Variants in PARP4 observed in about 807,000 individuals in gnomAD.
The protein encoded by PARP4 is protein mono-ADP-ribosyltransferase PARP4.
In PARP4, 120 loss-of-function variants were observed where a neutral mutation model predicts 187.7. The observed-to-expected ratio is 0.64, with a 90% CI of 0.55 to 0.74. The LOEUF is 0.74. PARP4 is among the 30% of genes least tolerant of loss of function. The pLI, the probability that PARP4 is intolerant of heterozygous loss-of-function variation, is 0.00. For missense variants in PARP4, 1,836 were observed against 2,070.5 expected, an observed-to-expected ratio of 0.89 and a Z score of 2.20; for synonymous variants, 654 against 740.9, an observed-to-expected ratio of 0.88 and a Z score of 1.90.
chr13:24,478,825 T>TC (rs900312624), intron 12 of PARP4, among the ~76,000 whole-genome samples: 2 of 152,240 alleles, frequency 1.3e-5, no homozygotes, highest in African/African-American at 4.8e-5. Context: ...AGAAATGAAT[T>TC]CTACTGTTCT....
chr13:24,464,154 GAAC>G (rs1277359064), intron 17 of PARP4, among the ~76,000 whole-genome samples: 3 of 151,996 alleles, frequency 2.0e-5, no homozygotes, highest in African/African-American at 7.2e-5. Flanking sequence ...GAGAGGACAC[GAAC>G]AAATGGAAAA....
Position 24,486,273 on chromosome 13 carries a change from C to T in PARP4, c.1247G>A (p.Arg416Lys). 4 of 1,607,252 alleles carry T rather than the reference C, an allele frequency of 2.5e-6. No homozygotes were observed. Among genetic ancestry groups the T allele is most frequent in the Non-Finnish European group, 3.4e-6 (4 of 1,173,866 alleles). ...KSPVDVLQIFRVGRVNETTEF... is the reference protein window; with the variant it reads ...KSPVDVLQIFKVGRVNETTEF... ...TGTGGTTTCATTCACTCTGCCAACT[C>T]TAAATATCTGCAAGACATCCACTGG... The change falls in exon 11 of 34, where the codon AGA (arginine) becomes AAA (lysine). Residue 416 changes from arginine (R) to lysine (K), a missense_variant. Physicochemically the swap from Arg to Lys is conservative, Grantham distance 26. Around this residue, in one of 8 missense-constraint regions of PARP4, gnomAD observed 1,147 missense variants for 1,214.2 expected, o/e 0.94. Transcript: ENST00000381989.
chr13:24,509,125 A>G (rs985992089), intron 1 of PARP4, among the ~76,000 whole-genome samples: 1 of 152,222 alleles, frequency 6.6e-6, no homozygotes, highest in African/African-American at 2.4e-5. Context: ...GTTAATCACT[A>G]AGAAGAAAAA....
chr13:24,443,966 A>T (rs1871082583), intron 27 of PARP4, among the ~76,000 whole-genome samples: 2 of 152,202 alleles, frequency 1.3e-5, no homozygotes, highest in South Asian at 4.1e-4. Context: ...TAGCTTCCTC[A>T]AGCCCTGGCA....
chr13:24,455,123 G>A lies in PARP4; in HGVS notation c.2652C>T (p.Ser884=), dbSNP rs1246560556. ...AGAATGTCACACCCTCCATGGAACT[G>A]GAGCAGTCAAGACAAATAATCACTT... ...ESEVIICLDC[S]SSMEGVTFLQ... The change falls in exon 22 of 34, where the codon TCC becomes TCT. Residue 884 remains serine (S), a synonymous_variant. Transcript: ENST00000381989. The A allele has an allele frequency of 6.2e-7, 1 of 1,613,326 alleles. No homozygotes were observed. Among genetic ancestry groups the A allele is most frequent in the African/African-American group, 1.3e-5 (1 of 75,040 alleles).
intron 10 of PARP4, 116 bp from the exon 11 acceptor site, chr13:24,486,421 A>C: frequency 2.8e-6 from 2 of 703,488 alleles, no homozygotes; most frequent in Non-Finnish European, 2.4e-6. Flanking sequence ...AAACTGATTC[A>C]ATGAGTCACA....
intron 30 of PARP4, among the ~76,000 whole-genome samples, chr13:24,438,889 G>T (rs2137448158): frequency 6.6e-6 from 1 of 152,350 alleles, no homozygotes; most frequent in Admixed American, 6.5e-5. Context: ...ACTCCGTGTA[G>T]AATGCGGCAG....
At chr13:24,443,149 C>T (rs1445481797) in intron 28 of PARP4, among the ~76,000 whole-genome samples, 1 of 144,912 alleles carries the variant, frequency 6.9e-6, no homozygotes, top group East Asian at 2.0e-4. Context: ...GACTAACGTT[C>T]ACAGCCTTGT....
Position 24,434,273 on chromosome 13 carries a change from T to C in PARP4, c.4746+122A>G, listed in dbSNP as rs370506471. 1,078 of 878,222 alleles carry C rather than the reference T, an allele frequency of 1.2e-3. 14 individuals carry two copies. The African/African-American group carries it at 0.014, about 11-fold the overall frequency. The allele number at this position is 878,222 out of a possible 1,614,324, so 54.4% of individuals were successfully genotyped here. A position where few individuals can be genotyped will look rare whatever the true frequency, so the allele number is the denominator to read the frequency against. On this transcript the variant is annotated intron_variant, in intron 31 of 33. Transcript: ENST00000381989. Reference sequence around the variant, plus strand: ...GAAGCAGTATGATTTATACCCAGTGTACAACCCCTTCCTTCACTACAGACT... The same window carrying C: ...GAAGCAGTATGATTTATACCCAGTGCACAACCCCTTCCTTCACTACAGACT...
rs139577420 is a variant in PARP4, at chr13:24,478,151, G to A, written c.1574C>T (p.Pro525Leu). Residue 525 changes from proline to leucine, a missense_variant, in exon 13 of 34, where the codon CCA becomes CTA. Physicochemically the swap from Pro to Leu is moderately conservative, Grantham distance 98 (BLOSUM62 -3). Around this residue, in one of 8 missense-constraint regions of PARP4, gnomAD observed 1,147 missense variants for 1,214.2 expected, o/e 0.94. Transcript: ENST00000381989. ...EKDFSLTEAPPGYDSVHGVSQ... is the reference protein window; with the variant it reads ...EKDFSLTEAPLGYDSVHGVSQ... Reference sequence around the variant, plus strand: ...AACTCCATGCACACTGTCGTAGCCTGGTGGTGCTTCAGTTAAGGAAAAGTC... The same window carrying A: ...AACTCCATGCACACTGTCGTAGCCTAGTGGTGCTTCAGTTAAGGAAAAGTC... 1.4e-4 allele frequency: 232 copies of A among 1,613,528 alleles called. No individual in the cohort carries two copies. The highest frequency in any genetic ancestry group is 1.9e-4 in the Non-Finnish European group (219 of 1,179,682).
chr13:24,475,456 G>C lies in PARP4; in HGVS notation c.1914+16C>G. 2.5e-6 allele frequency: 4 copies of C among 1,609,400 alleles called. No homozygotes were observed. The highest frequency in any genetic ancestry group is 3.4e-6 in the Non-Finnish European group (4 of 1,176,110). ...ATCCATGTAGTTTAAGTGTCATAAA[G>C]CCACAGACAACATACCTGGGCTACA... On this transcript the variant is annotated intron_variant, in intron 15 of 33. Transcript: ENST00000381989.
chr13:24,478,185 G>T lies in PARP4; in HGVS notation c.1540C>A (p.His514Asn), dbSNP rs750366730. 1 of 1,613,878 alleles carries T rather than the reference G, an allele frequency of 6.2e-7. No homozygotes were observed. Among genetic ancestry groups the T allele is most frequent in the Admixed American group, 1.7e-5 (1 of 60,000 alleles). ...DVALGKCMDLHEKDFSLTEAP... is the reference protein window; with the variant it reads ...DVALGKCMDLNEKDFSLTEAP... ...TCAGTTAAGGAAAAGTCCTTCTCATGTAAGTCCATACACTTTCCGAGGGCT... is the reference window on the plus strand; with the variant it reads ...TCAGTTAAGGAAAAGTCCTTCTCATTTAAGTCCATACACTTTCCGAGGGCT... The change falls in exon 13 of 34, where the codon CAT becomes AAT. Residue 514 changes from histidine (H) to asparagine (N), a missense_variant. Around this residue, in one of 8 missense-constraint regions of PARP4, gnomAD observed 1,147 missense variants for 1,214.2 expected, o/e 0.94. Transcript: ENST00000381989.
chr13:24,476,891 C>A (rs1873013398), intron 14 of PARP4, among the ~76,000 whole-genome samples: 1 of 152,196 alleles, frequency 6.6e-6, no homozygotes, highest in Non-Finnish European at 1.5e-5. Flanking sequence ...TACAGCAATT[C>A]TGTCATGCGG....
chr13:24,432,312 G>C (rs1383299397), intron 31 of PARP4, among the ~76,000 whole-genome samples: 1 of 151,964 alleles, frequency 6.6e-6, no homozygotes, highest in South Asian at 2.1e-4. Flanking sequence ...GCATTGAACC[G>C]GTATTTCTCA....
At chr13:24,489,480 C>T (rs1268689531) in intron 10 of PARP4, among the ~76,000 whole-genome samples, 3 of 152,024 alleles carry the variant, frequency 2.0e-5, no homozygotes, top group Admixed American at 6.5e-5. Context: ...TGGTGGCGTG[C>T]GTCTATAGTC....
At chr13:24,460,276 C>G in intron 17 of PARP4, 140 bp from the exon 18 acceptor site, 1 of 712,748 alleles carries the variant, frequency 1.4e-6, no homozygotes. Context: ...ACCTAAAAGA[C>G]ACATTGGTGG....
At chr13:24,486,141 T>C (rs2137523197) in intron 11 of PARP4, 27 bp downstream of exon 11, 1 of 1,577,358 alleles carries the variant, frequency 6.3e-7, no homozygotes, top group East Asian at 2.3e-5. Flanking sequence ...CCTGAAATTT[T>C]TGAAAAATAA....
intron 1 of PARP4, among the ~76,000 whole-genome samples, chr13:24,512,136 A>T (rs1870047086): frequency 6.6e-6 from 1 of 152,220 alleles, no homozygotes; most frequent in South Asian, 2.1e-4. Context: ...TTAGTTTTCT[A>T]GAACCTGTGA....
intron 17 of PARP4, among the ~76,000 whole-genome samples, chr13:24,463,881 CCTATAT>C (rs1188532117): frequency 6.6e-6 from 1 of 152,064 alleles, no homozygotes; most frequent in Non-Finnish European, 1.5e-5. Flanking sequence ...ATGACAAGAT[CCTATAT>C]CTAGAAAACC....
Sources: allele counts gnomAD v4.1 joint callset (sites outside exome capture counted in the v4.1 genomes callset), GRCh38; gene constraint gnomAD v4.1.1; regional missense constraint gnomAD v4.1.1; transcripts MANE v1.5; gene names NCBI Gene and HGNC (gene_info 2026-07-23, HGNC 2026-07-21).